Variants in RUNX3 observed in about 807,000 individuals in gnomAD.
RUNX3 encodes RUNX family transcription factor 3, also known as runt-related transcription factor 3.
A neutral mutation model predicts 27.7 loss-of-function variants in RUNX3; 10 were observed. The ratio of observed to expected loss-of-function variants is 0.36; its 90% CI spans 0.22 to 0.61. RUNX3 has a LOEUF of 0.61. Among genes scored for constraint, RUNX3 ranks in the 20% least tolerant of loss-of-function variants. RUNX3 has a pLI of 0.72. For missense variants in RUNX3, 469 were observed against 629.5 expected (o/e 0.75, Z 2.73); for synonymous variants, 270 against 269.2 (o/e 1.00, Z -0.03).
chr1:24,949,681 G>A (rs1165661321), intron 2 of RUNX3, among the ~76,000 whole-genome samples: 1 of 152,242 alleles, frequency 6.6e-6, no homozygotes, highest in Non-Finnish European at 1.5e-5. Context: ...GAAAGCCAAG[G>A]CCAGCAGCCC....
At position 24,901,036 on chromosome 1, in the gene RUNX3, G is replaced by GTTTTTTTTTTTTTTTT. The variant is rs3085849; in HGVS notation, c.*1070_*1085dup. 1.7e-5 allele frequency: 2 copies of GTTTTTTTTTTTTTTTT among 116,908 alleles called. No individual in the cohort carries two copies. The highest frequency in any genetic ancestry group is 3.4e-5 in the African/African-American group (1 of 29,036). 7.2% of individuals were successfully genotyped at this position (116,908 alleles called of 1,614,324 possible). On this transcript the variant is annotated 3_prime_UTR_variant, in exon 5 of 5. Transcript: ENST00000308873. ...TGTTTTGTTTTTTTTTTGTTTTTTTGTTTTTTTTTTTTTTTTGCTCAGGAC... is the reference window on the plus strand; with the variant it reads ...TGTTTTGTTTTTTTTTTGTTTTTTTGTTTTTTTTTTTTTTTTTTTTTTTTTTTTTTTTGCTCAGGAC...
intron 1 of RUNX3, chr1:24,929,262 C>T: frequency 1.7e-6 from 1 of 588,886 alleles, no homozygotes; most frequent in Non-Finnish European, 3.2e-6. Context: ...TTCTCCGTTA[C>T]CCGCAGGGCT....
chr1:24,964,550 CGAA>C, exon 2 of RUNX3: 1 of 1,611,628 alleles, frequency 6.2e-7, no homozygotes, highest in Non-Finnish European at 8.5e-7. Flanking sequence ...GGGAAGGAGT[CGAA>C]GATGCTGTTC....
intron 4 of RUNX3, among the ~76,000 whole-genome samples, chr1:24,905,737 G>A (rs1378009672): frequency 2.6e-5 from 4 of 152,248 alleles, no homozygotes; most frequent in African/African-American, 7.2e-5. Context: ...CTCCCCCGCT[G>A]AGCCCCGATC....
intron 3 of RUNX3, among the ~76,000 whole-genome samples, chr1:24,918,226 T>TAGGCCTCCTGCCCC (rs200893586): frequency 2.0e-5 from 3 of 152,272 alleles, no homozygotes; most frequent in South Asian, 2.1e-4. Flanking sequence ...AGCCCAGGGC[T>TAGGCCTCCTGCCCC]AGGCCTCCTG....
chr1:24,949,804 C>T (rs1488565107), intron 2 of RUNX3, among the ~76,000 whole-genome samples: 1 of 152,274 alleles, frequency 6.6e-6, no homozygotes, highest in African/African-American at 2.4e-5. Flanking sequence ...GGGGTTTGGC[C>T]TTGGCCCTTG....
chr1:24,955,032 C>T (rs1400375800), intron 2 of RUNX3, among the ~76,000 whole-genome samples: 1 of 152,180 alleles, frequency 6.6e-6, no homozygotes, highest in Admixed American at 6.5e-5. Context: ...GACCCATAAA[C>T]CTTCCATCTC....
Position 24,927,441 on chromosome 1 carries a change from C to G in RUNX3, c.439+133G>C. ...CGATCTGTAATATCCTACAGGATTA[C>G]AAATTGCTGTTTTTAGACAGAGCTG... is the stretch of plus-strand genomic sequence containing the variant. On this transcript the variant is annotated intron_variant, in intron 2 of 4. Transcript: ENST00000308873. This position sits in a 1 kb window ranked among gnomAD's most constrained non-coding sequence, Gnocchi z 5.0. 1.2e-6 allele frequency: 1 copy of G among 810,982 alleles called. No homozygotes were observed. Among genetic ancestry groups the G allele is most frequent in the Non-Finnish European group, 2.0e-6 (1 of 489,082 alleles). The allele number at this position is 810,982 out of a possible 1,614,324, so 50.2% of individuals were successfully genotyped here.
intron 1 of RUNX3, chr1:24,929,220 C>T (rs945137160): frequency 1.4e-5 from 7 of 518,456 alleles, no homozygotes; most frequent in Non-Finnish European, 2.2e-5. Flanking sequence ...GCACCCCACC[C>T]GCGGTGTCCT....
rs902908171 is a variant in RUNX3 at position 24,929,914 on chromosome 1, C to T, written c.-46G>A. On this transcript the variant is annotated 5_prime_UTR_variant, in exon 1 of 5. Coordinates refer to ENST00000308873, the MANE Select transcript of RUNX3 (RefSeq NM_004350.3). ...CGGGCAGGCGGAGACGGCGCGGCTT[C>T]CCCCGGGGGCGGCCGGCGCGGGCGC... 10 of 1,232,042 alleles carry T rather than the reference C, an allele frequency of 8.1e-6. No individual in the cohort carries two copies. Among genetic ancestry groups the T allele is most frequent in the Admixed American group, 4.3e-5 (1 of 23,090 alleles). The allele number at this position is 1,232,042 out of a possible 1,614,324, so 76.3% of individuals were successfully genotyped here.
intron 2 of RUNX3, among the ~76,000 whole-genome samples, chr1:24,922,752 C>T (rs1641023065): frequency 7.3e-6 from 1 of 136,244 alleles, no homozygotes; most frequent in Non-Finnish European, 1.5e-5. Context: ...GGTGTGCGGG[C>T]TTCACCAGCT....
intron 2 of RUNX3, 28 bp from the exon 3 acceptor site, chr1:24,919,372 T>C: frequency 6.6e-7 from 1 of 1,522,994 alleles, no homozygotes; most frequent in South Asian, 1.1e-5. Context: ...TAGAGGCAGG[T>C]GGTTGGCACC....
intron 3 of RUNX3, among the ~76,000 whole-genome samples, chr1:24,915,016 C>T (rs1408621215): frequency 6.6e-6 from 1 of 152,230 alleles, no homozygotes; most frequent in Non-Finnish European, 1.5e-5. Context: ...GAATCATTTG[C>T]TTATTCATCA....
chr1:24,912,283 C>T (rs926873533), intron 3 of RUNX3, among the ~76,000 whole-genome samples: 1 of 152,188 alleles, frequency 6.6e-6, no homozygotes, highest in African/African-American at 2.4e-5. Flanking sequence ...CAAAGATCAG[C>T]CGCTGGTCAG....
intron 2 of RUNX3, among the ~76,000 whole-genome samples, chr1:24,940,716 G>A (rs1445509407): frequency 6.7e-6 from 1 of 148,904 alleles, no homozygotes; most frequent in Admixed American, 6.7e-5. Flanking sequence ...GCAACAAAGT[G>A]AGACTCTGTA....
intron 2 of RUNX3, among the ~76,000 whole-genome samples, chr1:24,952,628 C>T (rs1641795018): frequency 1.3e-5 from 2 of 152,214 alleles, no homozygotes; most frequent in Non-Finnish European, 2.9e-5. Flanking sequence ...ATGAGTGGCT[C>T]CACCTCTACA....
intron 1 of RUNX3, chr1:24,929,257 C>T (rs1557846495): frequency 1.7e-6 from 1 of 578,464 alleles, no homozygotes; most frequent in East Asian, 3.9e-5. Flanking sequence ...TCCTCTTCTC[C>T]GTTACCCGCA....
chr1:24,931,098 C>A (rs1054266373), upstream of RUNX3, among the ~76,000 whole-genome samples: 1 of 152,190 alleles, frequency 6.6e-6, no homozygotes, highest in Non-Finnish European at 1.5e-5. Flanking sequence ...TTCCTTTACG[C>A]ATGTAACCAC....
chr1:24,909,961 G>A (rs1327749239), intron 3 of RUNX3, among the ~76,000 whole-genome samples: 1 of 152,240 alleles, frequency 6.6e-6, no homozygotes, highest in South Asian at 2.1e-4. Flanking sequence ...CGCCGAACAA[G>A]GGGTGGGATT....
Sources: gnomAD v4.1 joint callset for allele counts (sites outside exome capture counted in the v4.1 genomes callset) on GRCh38, gnomAD v4.1.1 for gene constraint, Gnocchi (gnomAD v3.1) non-coding constraint, MANE v1.5 for transcripts, NCBI Gene and HGNC (gene_info 2026-07-23, HGNC 2026-07-21) for gene names.